Variants in DRG2 observed in about 807,000 individuals in gnomAD.
DRG2 encodes the protein developmentally-regulated GTP-binding protein 2.
DRG2 carries 36 observed loss-of-function variants against 53.4 expected under a neutral mutation model. The ratio of observed to expected loss-of-function variants is 0.67; its 90% CI spans 0.52 to 0.89. DRG2 has a LOEUF of 0.89. Among genes scored for constraint, DRG2 ranks in the 40% least tolerant of loss-of-function variants. DRG2 has a pLI of 0.00. For missense variants in DRG2, 342 were observed against 481.2 expected (o/e 0.71, Z 2.71); for synonymous variants, 167 against 192.1 (o/e 0.87, Z 1.08).
rs756052088 is a variant in DRG2 at position 18,099,688 on chromosome 17, C to T, written c.432C>T (p.Ile144=). The part of the protein sequence containing the change: ...IAVARTADVI[I]MMLDATKGEV... Reference sequence around the variant, plus strand: ...TGGCGCGCACGGCTGACGTCATCATCATGATGCTGGATGCCACCAAGGGAG... The same window carrying T: ...TGGCGCGCACGGCTGACGTCATCATTATGATGCTGGATGCCACCAAGGGAG... The change falls in exon 5 of 13, where the codon ATC becomes ATT. Residue 144 remains isoleucine (I), a synonymous_variant. Transcript: ENST00000225729. This position sits in a 1 kb window ranked among gnomAD's most constrained non-coding sequence, Gnocchi z 4.4. 17 of 1,607,516 alleles carry T rather than the reference C, an allele frequency of 1.1e-5. No homozygotes were observed. The highest frequency in any genetic ancestry group is 1.2e-5 in the Non-Finnish European group (14 of 1,177,744).
intron 1 of DRG2, among the ~76,000 whole-genome samples, chr17:18,090,368 T>TTATTTATTTATATATATA (rs1258672077): frequency 3.9e-5 from 1 of 25,518 alleles, no homozygotes; most frequent in African/African-American, 1.4e-4. Context: ...CCGGGCTAAT[T>TTATTTATTTATATATATA]TATATATATA....
intron 12 of DRG2, 32 bp downstream of exon 12, chr17:18,106,518 G>T (rs755230773): frequency 1.3e-5 from 21 of 1,613,074 alleles, no homozygotes; most frequent in Non-Finnish European, 1.7e-5. Context: ...AACCAGGGGG[G>T]TAGACCCAGG....
chr17:18,093,566 C>T (rs1159933873), intron 1 of DRG2, among the ~76,000 whole-genome samples: 1 of 152,224 alleles, frequency 6.6e-6, no homozygotes, highest in Non-Finnish European at 1.5e-5. Context: ...GATCCACCCG[C>T]CTCGGCCTCC....
At chr17:18,093,254 C>T (rs912723118) in intron 1 of DRG2, among the ~76,000 whole-genome samples, 1 of 152,058 alleles carries the variant, frequency 6.6e-6, no homozygotes, top group Non-Finnish European at 1.5e-5. Flanking sequence ...CCCCAGGAAG[C>T]GGTGCCCCCT....
At position 18,099,180 on chromosome 17, in the gene DRG2, T is replaced by C. The variant is rs2045483156; in HGVS notation, c.376+103T>C. The C allele has an allele frequency of 1.4e-5, 20 of 1,456,056 alleles. No homozygotes were observed. The highest frequency in any genetic ancestry group is 1.8e-5 in the Non-Finnish European group (19 of 1,053,828). The allele number at this position is 1,456,056 out of a possible 1,614,324, so 90.2% of individuals were successfully genotyped here. On this transcript the variant is annotated intron_variant, in intron 4 of 12. Coordinates refer to ENST00000225729, the MANE Select transcript of DRG2 (RefSeq NM_001388.5). The surrounding 1 kb of genome is among the most constrained non-coding windows in gnomAD (Gnocchi z 4.4). ...GAGATCACTCTGGATCCCTGGTCCA[T>C]TATCCCGCTTTCCAGAAAAGACAGG...
chr17:18,106,523 C>A lies in DRG2; in HGVS notation c.1008+37C>A, dbSNP rs756160910. 2.5e-6 allele frequency: 4 copies of A among 1,611,474 alleles called. No individual in the cohort carries two copies. The South Asian group carries it at 4.4e-5, about 18-fold the overall frequency. On this transcript the variant is annotated intron_variant, in intron 12 of 12. Transcript: ENST00000225729. ...GGTGGAAAGCAACCAGGGGGGTAGACCCAGGACAGCCCCTGGGTTAGGCAT... is the reference window on the plus strand; with the variant it reads ...GGTGGAAAGCAACCAGGGGGGTAGAACCAGGACAGCCCCTGGGTTAGGCAT...
At position 18,098,497 on chromosome 17, in the gene DRG2, C is replaced by A; in HGVS notation, c.315+138C>A. On this transcript the variant is annotated intron_variant, in intron 3 of 12. Coordinates refer to ENST00000225729, the MANE Select transcript of DRG2 (RefSeq NM_001388.5). The surrounding 1 kb of genome is among the most constrained non-coding windows in gnomAD (Gnocchi z 4.1). ...CTCTGGACTGAGCTGCTTTGCCCTC[C>A]AGCACTGACACTTCTGGGGATCCTA... 1 of 722,524 alleles carries A rather than the reference C, an allele frequency of 1.4e-6. No individual in the cohort carries two copies. 44.8% of individuals were successfully genotyped at this position (722,524 alleles called of 1,614,324 possible).
In DRG2 at chr17:18,107,115, C is replaced by G; in HGVS notation, c.1009-39C>G. The G allele has an allele frequency of 3.8e-6, 6 of 1,596,692 alleles. No individual in the cohort carries two copies. In the South Asian group the frequency reaches 5.5e-5, roughly 15 times the overall value. On this transcript the variant is annotated intron_variant, in intron 12 of 12. Coordinates refer to ENST00000225729, the MANE Select transcript of DRG2 (RefSeq NM_001388.5). ...ATATCTTCCTTGACCTTGGCCAGTC[C>G]AGGCTGAGGTGACCCCTCTGCCCCC...
rs1382274091 is a variant in DRG2, at chr17:18,101,516, T to C, written c.655T>C (p.Phe219Leu). The change falls in exon 8 of 13, where the codon TTC (phenylalanine) becomes CTC (leucine). Residue 219 changes from phenylalanine (F) to leucine (L), a missense_variant. By Grantham distance (22) the Phe-to-Leu change is conservative. Transcript: ENST00000225729. Reference protein sequence around the residue: ...EYKIFNAEVLFREDCSPDEFI... With the variant: ...EYKIFNAEVLLREDCSPDEFI... ...AGAGATCTTCAATGCAGAAGTGCTT[T>C]TCCGAGAAGACTGCTCCCCGGACGA... The C allele has an allele frequency of 3.7e-6, 6 of 1,614,054 alleles. No homozygotes were observed. Among genetic ancestry groups the C allele is most frequent in the Non-Finnish European group, 4.2e-6 (5 of 1,180,040 alleles).
intron 1 of DRG2, among the ~76,000 whole-genome samples, chr17:18,088,627 A>G (rs1022903173): frequency 7.2e-5 from 11 of 152,196 alleles, no homozygotes; most frequent in African/African-American, 2.7e-4. Flanking sequence ...TCATCTGTAA[A>G]TGGGGTAATA....
At chr17:18,088,193 G>A (rs1284841066) in intron 1 of DRG2, 106 bp downstream of exon 1, 10 of 1,376,518 alleles carry the variant, frequency 7.3e-6, no homozygotes, top group Non-Finnish European at 9.7e-6. Flanking sequence ...ATCCGAGGCC[G>A]CGGAGAAGTT....
intron 1 of DRG2, among the ~76,000 whole-genome samples, chr17:18,092,458 A>T (rs1196411450): frequency 2.0e-5 from 3 of 152,158 alleles, no homozygotes; most frequent in African/African-American, 7.2e-5. Flanking sequence ...TTAAAAAAAG[A>T]GGAGAAAGCA....
At chr17:18,094,025 C>T (rs995708828) in intron 2 of DRG2, 52 bp downstream of exon 2, 3 of 1,580,744 alleles carry the variant, frequency 1.9e-6, no homozygotes. Flanking sequence ...AGTCATCTTT[C>T]AAACAGGTGA....
chr17:18,096,359 T>C (rs2955386), intron 2 of DRG2: 139,593 of 152,298 alleles, frequency 0.92, 63,977 homozygotes, highest in South Asian at 0.96. Context: ...CCCATTCATT[T>C]GTTTTATTCA....
At position 18,100,766 on chromosome 17, in the gene DRG2, C is replaced by A; in HGVS notation, c.631+107C>A. 9.6e-7 allele frequency: 1 copy of A among 1,040,042 alleles called. No individual in the cohort carries two copies. Among genetic ancestry groups the A allele is most frequent in the Non-Finnish European group, 1.4e-6 (1 of 696,618 alleles). 64.4% of individuals were successfully genotyped at this position (1,040,042 alleles called of 1,614,324 possible). ...CATGGAGCAGGGTGGCAGCAGGTCA[C>A]CCCCACTGCCCCTGCTGTCCATTCA... is the stretch of plus-strand genomic sequence containing the variant. On this transcript the variant is annotated intron_variant, in intron 7 of 12. Transcript: ENST00000225729. The surrounding 1 kb of genome is among the most constrained non-coding windows in gnomAD (Gnocchi z 4.1).
Position 18,099,732 on chromosome 17 carries a change from G to T in DRG2, c.467+9G>T. 6.3e-7 allele frequency: 1 copy of T among 1,595,078 alleles called. No homozygotes were observed. The highest frequency in any genetic ancestry group is 1.8e-5 in the Admixed American group (1 of 56,226). On this transcript the variant is annotated intron_variant, in intron 5 of 12. Coordinates refer to ENST00000225729, the MANE Select transcript of DRG2 (RefSeq NM_001388.5). This position sits in a 1 kb window ranked among gnomAD's most constrained non-coding sequence, Gnocchi z 4.4. ...AAGGGAGAGGTGCAGAGGTCCGCAG[G>T]GTGGGGCATGGGGCAGGCTCACATG...
intron 1 of DRG2, among the ~76,000 whole-genome samples, chr17:18,093,598 G>A (rs576386718): frequency 1.6e-4 from 24 of 152,278 alleles, no homozygotes; most frequent in South Asian, 6.2e-4. Context: ...GATTACAGGC[G>A]TCAGCCACTG....
chr17:18,103,774 C>T lies in DRG2; in HGVS notation c.807-27C>T, dbSNP rs1199517897. On this transcript the variant is annotated intron_variant, in intron 9 of 12. Transcript: ENST00000225729. The surrounding 1 kb of genome is among the most constrained non-coding windows in gnomAD (Gnocchi z 4.4). ...GCCTCTGAATTCACAGGGGCCCCTG[C>T]CTGACTGGCCGCCTCCCTCTTTGCA... 3 of 1,612,748 alleles carry T rather than the reference C, an allele frequency of 1.9e-6. No homozygotes were observed. Among genetic ancestry groups the T allele is most frequent in the African/African-American group, 2.7e-5 (2 of 74,902 alleles).
intron 10 of DRG2, 121 bp downstream of exon 10, chr17:18,104,010 C>T (rs1299407174): frequency 4.3e-6 from 4 of 935,016 alleles, no homozygotes; most frequent in Admixed American, 2.1e-5. Context: ...CTAGACACAC[C>T]TCAGCTCTTT....
Sources: gnomAD v4.1 joint callset for allele counts (sites outside exome capture counted in the v4.1 genomes callset) on GRCh38, gnomAD v4.1.1 for gene constraint, Gnocchi (gnomAD v3.1) non-coding constraint, MANE v1.5 for transcripts, NCBI Gene and HGNC (gene_info 2026-07-23, HGNC 2026-07-21) for gene names.